Variants in IQGAP2 observed in about 807,000 individuals in gnomAD.
IQGAP2 encodes the protein IQ motif containing GTPase activating protein 2, also known as ras GTPase-activating-like protein IQGAP2.
In IQGAP2, 173 loss-of-function variants were observed where a neutral mutation model predicts 201.3. The ratio of observed to expected loss-of-function variants is 0.86; its 90% CI spans 0.76 to 0.98. IQGAP2 has a LOEUF of 0.98. Among genes scored for constraint, IQGAP2 ranks in the 50% least tolerant of loss-of-function variants. The probability of loss-of-function intolerance (pLI) is 0.00; values close to 1 mark genes in which losing one functional copy is unlikely to be tolerated. For synonymous variants in IQGAP2, 675 were observed against 673.9 expected, an observed-to-expected ratio of 1.00 and a Z score of -0.03; for missense variants, 1,687 against 1,864.8, an observed-to-expected ratio of 0.90 and a Z score of 1.76.
intron 28 of IQGAP2, 96 bp downstream of exon 28, chr5:76,677,446 A>T (rs746371224): frequency 1.4e-5 from 16 of 1,112,084 alleles, no homozygotes; most frequent in Non-Finnish European, 2.1e-5. Flanking sequence ...TATTGTACAC[A>T]TGTGCTAATA....
At chr5:76,552,671 T>A (rs568516267) in intron 2 of IQGAP2, among the ~76,000 whole-genome samples, 1 of 152,328 alleles carries the variant, frequency 6.6e-6, no homozygotes, top group South Asian at 2.1e-4. Flanking sequence ...TAATAACATG[T>A]TCCTCATTTC....
intron 2 of IQGAP2, among the ~76,000 whole-genome samples, chr5:76,552,902 A>T (rs12518675): frequency 0.087 from 13,204 of 152,172 alleles, 1,055 homozygotes; most frequent in East Asian, 0.44. Context: ...GATTCTTTTC[A>T]TGGTATTGTG....
intron 1 of IQGAP2, among the ~76,000 whole-genome samples, chr5:76,436,930 TATAC>T (rs1429628548): frequency 1.3e-5 from 2 of 151,996 alleles, no homozygotes; most frequent in African/African-American, 4.8e-5. Context: ...CATACAAATG[TATAC>T]ATACATTTAT....
intron 13 of IQGAP2, among the ~76,000 whole-genome samples, chr5:76,619,023 A>G (rs1450470446): frequency 1.3e-5 from 2 of 152,232 alleles, no homozygotes; most frequent in African/African-American, 4.8e-5. Context: ...AGCAAAGACT[A>G]GCAAGGTTCC....
At chr5:76,638,335 C>T (rs1751306351) in intron 16 of IQGAP2, among the ~76,000 whole-genome samples, 1 of 152,030 alleles carries the variant, frequency 6.6e-6, no homozygotes, top group African/African-American at 2.4e-5. Context: ...GCCAAGATCG[C>T]ACCATTGCAC....
At chr5:76,573,903 C>T (rs1476389933) in intron 4 of IQGAP2, among the ~76,000 whole-genome samples, 2 of 151,918 alleles carry the variant, frequency 1.3e-5, no homozygotes, top group Admixed American at 1.3e-4. Flanking sequence ...CCATGCCCAG[C>T]TAATACTCTT....
At chr5:76,480,322 C>T (rs1755698077) in intron 2 of IQGAP2, among the ~76,000 whole-genome samples, 2 of 152,200 alleles carry the variant, frequency 1.3e-5, no homozygotes. Context: ...TTCTCTCAAA[C>T]ATGGCCCTTC....
intron 1 of IQGAP2, among the ~76,000 whole-genome samples, chr5:76,450,304 C>T (rs1025794128): frequency 2.6e-5 from 4 of 152,180 alleles, no homozygotes; most frequent in Admixed American, 6.5e-5. Context: ...TCAGCCATTC[C>T]GTTTCCTCCT....
At chr5:76,493,891 G>A (rs912905325) in intron 2 of IQGAP2, among the ~76,000 whole-genome samples, 2 of 152,158 alleles carry the variant, frequency 1.3e-5, no homozygotes, top group Non-Finnish European at 2.9e-5. Context: ...TCCAAATATA[G>A]TTGCCCCTTG....
intron 2 of IQGAP2, among the ~76,000 whole-genome samples, chr5:76,496,752 T>TCTTTC (rs1756968573): frequency 1.5e-5 from 1 of 67,220 alleles, no homozygotes; most frequent in African/African-American, 8.4e-5. Flanking sequence ...TTTCTTTCTT[T>TCTTTC]CTTTCTTTCT....
chr5:76,590,576 CAAGACTG>C lies in IQGAP2; in HGVS notation c.813_819del (p.Leu272IlefsTer16). 6.2e-7 allele frequency: 1 copy of C among 1,607,416 alleles called. No homozygotes were observed. The highest frequency in any genetic ancestry group is 8.5e-7 in the Non-Finnish European group (1 of 1,177,566). On this transcript the variant is annotated frameshift_variant, in exon 8 of 36. Coordinates refer to ENST00000274364, the MANE Select transcript of IQGAP2 (RefSeq NM_006633.5). LOFTEE classifies it high-confidence loss of function. Reference sequence around the variant, plus strand: ...GCCAAAAAGAAAAAAGAGGAAAATGCAAGACTGAAGGTGCTTAGATTCTGAGTAATAA... The same window carrying C: ...GCCAAAAAGAAAAAAGAGGAAAATGCAAGGTGCTTAGATTCTGAGTAATAA...
chr5:76,551,206 C>T (rs1295410499), intron 2 of IQGAP2, among the ~76,000 whole-genome samples: 3 of 148,918 alleles, frequency 2.0e-5, no homozygotes, highest in Non-Finnish European at 4.5e-5. Flanking sequence ...ACCTCCCAGA[C>T]GGGGTCGGGG....
chr5:76,643,668 A>C (rs1447527296), intron 17 of IQGAP2, among the ~76,000 whole-genome samples: 1 of 152,190 alleles, frequency 6.6e-6, no homozygotes, highest in African/African-American at 2.4e-5. Context: ...AACTGAAGAA[A>C]GCTAGTATAC....
In IQGAP2 at chr5:76,678,001, C is replaced by G. The variant is rs749364468; in HGVS notation, c.3660+651C>G. Among the ~76,000 whole-genome samples the G allele has an allele frequency of 4.3e-4, 65 of 152,284 alleles. No homozygotes were observed. In the Middle Eastern group the frequency reaches 0.01, roughly 24 times the overall value. ...ATGCAGTTTAAGCCCTGAGCCAGGACAGGCTATGGTGTTCTCATCCGCCAA... is the reference window on the plus strand; with the variant it reads ...ATGCAGTTTAAGCCCTGAGCCAGGAGAGGCTATGGTGTTCTCATCCGCCAA... On this transcript the variant is annotated intron_variant, in intron 28 of 35. Coordinates refer to ENST00000274364, the MANE Select transcript of IQGAP2 (RefSeq NM_006633.5).
rs1746567125 is a variant in IQGAP2 at position 76,590,438 on chromosome 5, C to T, written c.671C>T (p.Ala224Val). ...LHAAVIAINE[A>V]VEKGIAEQTV... is the part of the protein sequence containing the mutation. ...GCTGCAGTTATAGCCATTAATGAAG[C>T]AGTTGAAAAAGGAATAGCAGAGCAA... The change falls in exon 8 of 36, where the codon GCA (alanine) becomes GTA (valine). Residue 224 changes from alanine to valine, a missense_variant. Transcript: ENST00000274364. The T allele has an allele frequency of 6.2e-7, 1 of 1,608,652 alleles. No homozygotes were observed. Among genetic ancestry groups the T allele is most frequent in the Non-Finnish European group, 8.5e-7 (1 of 1,178,006 alleles).
chr5:76,495,234 A>C (rs921868456), intron 2 of IQGAP2, among the ~76,000 whole-genome samples: 1 of 152,324 alleles, frequency 6.6e-6, no homozygotes, highest in Non-Finnish European at 1.5e-5. Flanking sequence ...TTGAACCCAC[A>C]CTCAGAGGCA....
At chr5:76,471,746 T>C (rs899207666) in intron 2 of IQGAP2, among the ~76,000 whole-genome samples, 4 of 152,200 alleles carry the variant, frequency 2.6e-5, no homozygotes, top group Non-Finnish European at 5.9e-5. Context: ...GGGAATACTT[T>C]AGAGAATCCA....
chr5:76,429,519 C>G (rs1190493190), intron 1 of IQGAP2, among the ~76,000 whole-genome samples: 1 of 148,886 alleles, frequency 6.7e-6, no homozygotes, highest in Non-Finnish European at 1.5e-5. Flanking sequence ...TTGCAGTGAG[C>G]CAAGATCGCA....
intron 33 of IQGAP2, among the ~76,000 whole-genome samples, chr5:76,700,422 A>C (rs762934538): frequency 6.6e-6 from 1 of 152,184 alleles, no homozygotes; most frequent in Non-Finnish European, 1.5e-5. Flanking sequence ...GAATCACTTG[A>C]ACCCGGGAGG....
Sources: gnomAD v4.1 joint callset for allele counts (sites outside exome capture counted in the v4.1 genomes callset) on GRCh38, gnomAD v4.1.1 for gene constraint, MANE v1.5 for transcripts, NCBI Gene and HGNC (gene_info 2026-07-23, HGNC 2026-07-21) for gene names.